CCDC138: variants seen among roughly 807,000 people sequenced by gnomAD.
CCDC138 encodes coiled-coil domain-containing protein 138.
In CCDC138, 66 loss-of-function variants were observed where a neutral mutation model predicts 82.3. The ratio of observed to expected loss-of-function variants is 0.80; its 90% CI spans 0.66 to 0.98. CCDC138 has a LOEUF of 0.98. Ranked by LOEUF, CCDC138 falls within the 50% of genes least tolerant of loss-of-function variation. The pLI is 0.00. For missense variants in CCDC138, 816 were observed against 758.9 expected, an observed-to-expected ratio of 1.08 and a Z score of -0.88; for synonymous variants, 297 against 265.4, an observed-to-expected ratio of 1.12 and a Z score of -1.16.
At chr2:108,802,559 A>G (rs1268656525) in intron 6 of CCDC138, among the ~76,000 whole-genome samples, 4 of 145,278 alleles carry the variant, frequency 2.8e-5, no homozygotes, top group Non-Finnish European at 4.5e-5. Context: ...TAGATAAACA[A>G]TCATGTCGTC....
intron 13 of CCDC138, among the ~76,000 whole-genome samples, chr2:108,870,703 T>A (rs1458578894): frequency 6.6e-6 from 1 of 152,234 alleles, no homozygotes; most frequent in Non-Finnish European, 1.5e-5. Flanking sequence ...GAAGACATTA[T>A]GCTAAATGAA....
chr2:108,786,816 G>C lies in CCDC138; in HGVS notation c.-7G>C. 6.3e-7 allele frequency: 1 copy of C among 1,586,038 alleles called. No homozygotes were observed. Among genetic ancestry groups the C allele is most frequent in the Non-Finnish European group, 8.6e-7 (1 of 1,167,176 alleles). On this transcript the variant is annotated 5_prime_UTR_variant, in exon 1 of 15. Coordinates refer to ENST00000295124, the MANE Select transcript of CCDC138 (RefSeq NM_144978.3). ...TCCCGGGGAGACTGGTACGGTTGCT[G>C]TGTGCTATGGAGCCGAGGGTCGTCA...
At position 108,788,796 on chromosome 2, in the gene CCDC138, G is replaced by C. The variant is rs1163718225; in HGVS notation, c.152-56G>C. 5.0e-6 allele frequency: 8 copies of C among 1,607,278 alleles called. No homozygotes were observed. In the African/African-American group the frequency reaches 8.0e-5, roughly 16 times the overall value. On this transcript the variant is annotated intron_variant, in intron 2 of 14. Transcript: ENST00000295124. ...TTATTTAGACTTATGGCCAGTGCCA[G>C]ATATTTTGTGATATATTGTTGTGGT... is the stretch of plus-strand genomic sequence containing the variant.
intron 12 of CCDC138, among the ~76,000 whole-genome samples, chr2:108,851,827 C>CTATA (rs144751801): frequency 6.6e-6 from 1 of 151,574 alleles, no homozygotes; most frequent in South Asian, 2.1e-4. Context: ...AGACGAAAAC[C>CTATA]TATATATATA....
At chr2:108,839,351 ACTT>A in intron 11 of CCDC138, 50 bp downstream of exon 11, 4 of 1,444,146 alleles carry the variant, frequency 2.8e-6, no homozygotes, top group Non-Finnish European at 3.8e-6. Context: ...ACCTAATATT[ACTT>A]CTTGATCTTG....
At chr2:108,829,950 C>G (rs888486392) in intron 10 of CCDC138, among the ~76,000 whole-genome samples, 1 of 151,996 alleles carries the variant, frequency 6.6e-6, no homozygotes, top group African/African-American at 2.4e-5. Context: ...AAAGCAGAGG[C>G]TTGAACAGAT....
intron 13 of CCDC138, among the ~76,000 whole-genome samples, chr2:108,861,829 G>A (rs888202588): frequency 5.3e-5 from 8 of 151,948 alleles, no homozygotes; most frequent in Admixed American, 3.3e-4. Flanking sequence ...GAGCCACCGC[G>A]CCCAGCCTAA....
At chr2:108,850,000 G>A (rs377650945) in intron 12 of CCDC138, among the ~76,000 whole-genome samples, 2 of 152,340 alleles carry the variant, frequency 1.3e-5, no homozygotes, top group South Asian at 4.1e-4. Flanking sequence ...GTGAATACAA[G>A]TGTAAAAGGG....
chr2:108,866,541 ACTTC>A (rs1358543324), intron 13 of CCDC138, among the ~76,000 whole-genome samples: 2 of 152,176 alleles, frequency 1.3e-5, no homozygotes, highest in Admixed American at 6.5e-5. Flanking sequence ...GCATTTGACC[ACTTC>A]CTTATGTTTT....
chr2:108,851,102 A>G (rs1691403029), intron 12 of CCDC138, among the ~76,000 whole-genome samples: 1 of 152,008 alleles, frequency 6.6e-6, no homozygotes, highest in Admixed American at 6.6e-5. Flanking sequence ...AGCTCATAGA[A>G]CTCAGCGAAA....
At chr2:108,884,330 T>C (rs1696372446) in intron 2 of CCDC138, 1 of 152,214 alleles carries the variant, frequency 6.6e-6, no homozygotes, top group Non-Finnish European at 1.5e-5. Flanking sequence ...AGAGGCACTT[T>C]GGAAGATAAA....
intron 6 of CCDC138, among the ~76,000 whole-genome samples, chr2:108,802,417 G>T (rs10210604): frequency 3.3e-3 from 452 of 134,932 alleles, no homozygotes; most frequent in African/African-American, 0.014. Context: ...CACTCATGAT[G>T]TGGCTCTCTG....
intron 4 of CCDC138, among the ~76,000 whole-genome samples, chr2:108,793,863 A>C (rs971657005): frequency 6.6e-6 from 1 of 151,822 alleles, no homozygotes; most frequent in East Asian, 1.9e-4. Flanking sequence ...CGGCCTCCCA[A>C]AGTGCTGGGA....
Position 108,856,985 on chromosome 2 carries a change from T to G in CCDC138, c.1693+15T>G. ...GGTGGAATCTAGTAAGTTTTTAAGTTCTATATGTGTAAAGAAAGCAGGATG... is the reference window on the plus strand; with the variant it reads ...GGTGGAATCTAGTAAGTTTTTAAGTGCTATATGTGTAAAGAAAGCAGGATG... On this transcript the variant is annotated intron_variant, in intron 13 of 14. Coordinates refer to ENST00000295124, the MANE Select transcript of CCDC138 (RefSeq NM_144978.3). 1 of 1,467,888 alleles carries G rather than the reference T, an allele frequency of 6.8e-7. No homozygotes were observed. Among genetic ancestry groups the G allele is most frequent in the South Asian group, 1.2e-5 (1 of 81,800 alleles). The allele number at this position is 1,467,888 out of a possible 1,614,324, so 90.9% of individuals were successfully genotyped here.
At chr2:108,850,073 G>A (rs963001580) in intron 12 of CCDC138, among the ~76,000 whole-genome samples, 9 of 152,168 alleles carry the variant, frequency 5.9e-5, no homozygotes, top group African/African-American at 1.9e-4. Context: ...AGAGCCAGAT[G>A]GTCCTCGGAA....
Position 108,794,574 on chromosome 2 carries a change from T to G in CCDC138, c.429T>G (p.Pro143=). The G allele has an allele frequency of 6.2e-7, 1 of 1,613,856 alleles. No individual in the cohort carries two copies. Among genetic ancestry groups the G allele is most frequent in the South Asian group, 1.1e-5 (1 of 91,038 alleles). The stretch of plus-strand genomic sequence containing the variant: ...CAACTAATACGACCTCATCGAGACC[T>G]CGGACTGAGTGTTGTAGTGATGCAG... The part of the protein sequence containing the change: ...ALPTNTTSSR[P]RTECCSDAGD... Residue 143 remains proline, a synonymous_variant, in exon 5 of 15, where the codon CCT becomes CCG. Transcript: ENST00000295124.
chr2:108,864,245 A>G (rs1021323002), intron 13 of CCDC138, among the ~76,000 whole-genome samples: 1 of 152,272 alleles, frequency 6.6e-6, no homozygotes, highest in African/African-American at 2.4e-5. Context: ...TAAGAAAGCA[A>G]ATAATTAAAT....
At chr2:108,826,352 C>CT (rs1686593084) in intron 10 of CCDC138, among the ~76,000 whole-genome samples, 2 of 152,092 alleles carry the variant, frequency 1.3e-5, no homozygotes, top group South Asian at 4.1e-4. Flanking sequence ...AAAGATTTAT[C>CT]TGTATGTTTT....
chr2:108,800,051 A>G (rs981788861), intron 6 of CCDC138, among the ~76,000 whole-genome samples: 26 of 152,276 alleles, frequency 1.7e-4, no homozygotes, highest in Middle Eastern at 3.4e-3. Flanking sequence ...TTTAAAAACT[A>G]TGTATCACCT....
Sources: gnomAD v4.1 joint callset for allele counts (sites outside exome capture counted in the v4.1 genomes callset) on GRCh38, gnomAD v4.1.1 for gene constraint, MANE v1.5 for transcripts, NCBI Gene and HGNC (gene_info 2026-07-23, HGNC 2026-07-21) for gene names.